Variants in SLC12A2 observed in about 807,000 individuals in gnomAD.
SLC12A2 encodes Na-K-2Cl cotransporter 1.
A neutral mutation model predicts 136.3 loss-of-function variants in SLC12A2; 67 were observed. That is an observed-to-expected ratio of 0.49 (90% CI 0.40 to 0.60). SLC12A2 has a LOEUF of 0.60. Among genes scored for constraint, SLC12A2 ranks in the 20% least tolerant of loss-of-function variants. SLC12A2 has a pLI of 0.00. For missense variants in SLC12A2, 1,322 were observed against 1,534.7 expected (o/e 0.86, Z 2.32); for synonymous variants, 619 against 562.9 (o/e 1.10, Z -1.41).
chr5:128,102,142 T>C (rs1445668254), intron 1 of SLC12A2, among the ~76,000 whole-genome samples: 1 of 152,212 alleles, frequency 6.6e-6, no homozygotes, highest in Admixed American at 6.5e-5. Context: ...TATTGAGCTC[T>C]TACTTTATTA....
rs192787611 is a variant in SLC12A2 at position 128,166,627 on chromosome 5, C to T, written c.2617-1134C>T. Among the ~76,000 whole-genome samples the T allele has an allele frequency of 1.4e-3, 212 of 151,794 alleles. 1 individual carries two copies. Among genetic ancestry groups the T allele is most frequent in the Non-Finnish European group, 1.3e-3 (88 of 67,888 alleles). On this transcript the variant is annotated intron_variant, in intron 17 of 26. Coordinates refer to ENST00000262461, the MANE Select transcript of SLC12A2 (RefSeq NM_001046.3). ...TCTAGAATAGGCAGATTCATAGAGA[C>T]GGAAGTACATATTACCAAGGGTTGG...
At chr5:128,148,968 G>T (rs1239471527) in intron 12 of SLC12A2, 91 bp downstream of exon 12, 1 of 1,086,592 alleles carries the variant, frequency 9.2e-7, no homozygotes, top group Admixed American at 2.7e-5. Context: ...TGTTATCTTG[G>T]TATACTAAGT....
chr5:128,133,093 G>A (rs1171918202), intron 5 of SLC12A2, among the ~76,000 whole-genome samples: 1 of 151,544 alleles, frequency 6.6e-6, no homozygotes, highest in Non-Finnish European at 1.5e-5. Flanking sequence ...TCTCAGATAT[G>A]ATTTTCCAAA....
intron 1 of SLC12A2, among the ~76,000 whole-genome samples, chr5:128,086,721 A>T (rs193143316): frequency 3.0e-4 from 45 of 152,338 alleles, no homozygotes; most frequent in African/African-American, 1.1e-3. Flanking sequence ...TTTGCTTAGA[A>T]TTTTAGCAGA....
In SLC12A2 at chr5:128,152,747, A is replaced by G. The variant is rs1320133340; in HGVS notation, c.2305A>G (p.Asn769Asp). The G allele has an allele frequency of 9.9e-6, 16 of 1,613,852 alleles. No individual in the cohort carries two copies. The highest frequency in any genetic ancestry group is 1.4e-5 in the Non-Finnish European group (16 of 1,179,772). Reference sequence around the variant, plus strand: ...CTCTACACAAGCCCTGACTTACCTGAATGCACTGCAGCATTCAATTCGTCT... The same window carrying G: ...CTCTACACAAGCCCTGACTTACCTGGATGCACTGCAGCATTCAATTCGTCT... ...GSSTQALTYL[N>D]ALQHSIRLSG... Residue 769 changes from asparagine to aspartate, a missense_variant, in exon 15 of 27, where the codon AAT becomes GAT. Coordinates refer to ENST00000262461, the MANE Select transcript of SLC12A2 (RefSeq NM_001046.3).
rs760681343 is a variant in SLC12A2 at position 128,150,105 on chromosome 5, T to C, written c.2107+7T>C. ...TCACTTGCAAAATCTCCAGGTAATTTTACATTTTTAAAAAAGTTTGTAAAT... is the reference window on the plus strand; with the variant it reads ...TCACTTGCAAAATCTCCAGGTAATTCTACATTTTTAAAAAAGTTTGTAAAT... On this transcript the variant is annotated splice_region_variant and intron_variant, in intron 13 of 26. Coordinates refer to ENST00000262461, the MANE Select transcript of SLC12A2 (RefSeq NM_001046.3). 6.5e-7 allele frequency: 1 copy of C among 1,537,898 alleles called. No homozygotes were observed. Among genetic ancestry groups the C allele is most frequent in the South Asian group, 1.1e-5 (1 of 87,024 alleles).
chr5:128,152,827 A>T (rs377385296), intron 15 of SLC12A2, 22 bp downstream of exon 15: 11 of 1,403,632 alleles, frequency 7.8e-6, no homozygotes, highest in Non-Finnish European at 1.1e-5. Flanking sequence ...AGAAGGAAAC[A>T]TGGAAGCATT....
intron 15 of SLC12A2, among the ~76,000 whole-genome samples, chr5:128,154,834 A>G (rs979855866): frequency 3.3e-5 from 5 of 152,186 alleles, no homozygotes; most frequent in Non-Finnish European, 7.3e-5. Context: ...CAAAACTAGC[A>G]TGAGTTTCTT....
intron 23 of SLC12A2, among the ~76,000 whole-genome samples, chr5:128,182,622 A>C (rs1214465397): frequency 6.6e-6 from 1 of 152,272 alleles, no homozygotes; most frequent in Non-Finnish European, 1.5e-5. Flanking sequence ...TCCATTACTC[A>C]GTGCTAAGGA....
Position 128,114,307 on chromosome 5 carries a change from GC to G in SLC12A2, c.952+21del, listed in dbSNP as rs1245691781. ...GAATAGGTAAGTGAAGTTATATCCT[GC>G]TTGATTTGAGAATAAGCAAAATAAC... On this transcript the variant is annotated intron_variant, in intron 3 of 26. Transcript: ENST00000262461. The G allele has an allele frequency of 6.3e-7, 1 of 1,584,686 alleles. No individual in the cohort carries two copies. The highest frequency in any genetic ancestry group is 1.7e-5 in the Admixed American group (1 of 59,288).
intron 5 of SLC12A2, among the ~76,000 whole-genome samples, chr5:128,132,690 A>G (rs1467166261): frequency 1.3e-5 from 2 of 152,198 alleles, no homozygotes; most frequent in Non-Finnish European, 2.9e-5. Context: ...GGAAGTATAA[A>G]ATCTGACAAG....
intron 18 of SLC12A2, among the ~76,000 whole-genome samples, chr5:128,171,450 A>C (rs1763373037): frequency 6.6e-6 from 1 of 152,222 alleles, no homozygotes; most frequent in East Asian, 1.9e-4. Flanking sequence ...ACAAAGATCT[A>C]AAAAGTAGTT....
intron 23 of SLC12A2, among the ~76,000 whole-genome samples, chr5:128,182,141 A>G (rs1763725392): frequency 6.6e-6 from 1 of 152,176 alleles, no homozygotes; most frequent in Non-Finnish European, 1.5e-5. Flanking sequence ...TTATGCAAGA[A>G]ATACTAATAA....
intron 14 of SLC12A2, among the ~76,000 whole-genome samples, 154 bp from the exon 15 acceptor site, chr5:128,152,552 T>C (rs1762737460): frequency 6.6e-6 from 1 of 152,254 alleles, no homozygotes; most frequent in Non-Finnish European, 1.5e-5. Context: ...TCTTAATATC[T>C]TGCTGTATAT....
chr5:128,164,958 T>G (rs1368632941), intron 17 of SLC12A2, among the ~76,000 whole-genome samples: 3 of 148,676 alleles, frequency 2.0e-5, no homozygotes, highest in Admixed American at 1.4e-4. Context: ...TCCTCCCACC[T>G]CAGCCTCCTG....
At chr5:128,163,878 G>A (rs1434267074) in intron 17 of SLC12A2, among the ~76,000 whole-genome samples, 1 of 151,956 alleles carries the variant, frequency 6.6e-6, no homozygotes, top group Non-Finnish European at 1.5e-5. Flanking sequence ...TTAACGGCGC[G>A]GTAGATACAT....
chr5:128,102,619 T>TTC (rs1760785945), intron 1 of SLC12A2, among the ~76,000 whole-genome samples: 1 of 109,988 alleles, frequency 9.1e-6, no homozygotes, highest in Non-Finnish European at 1.9e-5. Flanking sequence ...TTTTTTTTTT[T>TTC]TTTTTTTTCT....
rs547846935 is a variant in SLC12A2, at chr5:128,085,304, CTTT to C, written c.756+601_756+603del. 4.7e-4 allele frequency among the ~76,000 whole-genome samples: 71 copies of C among 149,616 alleles called. No individual in the cohort carries two copies. The Middle Eastern group carries it at 0.01, about 22-fold the overall frequency. On this transcript the variant is annotated intron_variant, in intron 1 of 26. Transcript: ENST00000262461. Reference sequence around the variant, plus strand: ...CGCTGTTCCTAATAATGGCATAACTCTTTTTTTTTGCGATGAAAACGTTTTGGG... The same window carrying C: ...CGCTGTTCCTAATAATGGCATAACTCTTTTTTGCGATGAAAACGTTTTGGG...
chr5:128,175,678 A>G (rs1763517515), intron 20 of SLC12A2, among the ~76,000 whole-genome samples: 1 of 152,014 alleles, frequency 6.6e-6, no homozygotes, highest in East Asian at 1.9e-4. Flanking sequence ...AATATATGTT[A>G]CGATCTTATG....
Sources: allele counts gnomAD v4.1 joint callset (sites outside exome capture counted in the v4.1 genomes callset), GRCh38; gene constraint gnomAD v4.1.1; transcripts MANE v1.5; gene names NCBI Gene and HGNC (gene_info 2026-07-23, HGNC 2026-07-21).